GALNT18: variants seen among roughly 807,000 people sequenced by gnomAD.
GALNT18 encodes polypeptide N-acetylgalactosaminyltransferase 18.
A neutral mutation model predicts 69.5 loss-of-function variants in GALNT18; 44 were observed. The ratio of observed to expected loss-of-function variants is 0.63; its 90% confidence interval spans 0.50 to 0.81. GALNT18 has a LOEUF of 0.81. GALNT18 is among the 40% of genes least tolerant of loss of function. The pLI, the probability that GALNT18 is intolerant of heterozygous loss-of-function variation, is 0.00. For synonymous variants in GALNT18, 364 were observed against 318.2 expected (o/e 1.14, Z -1.53); for missense variants, 715 against 810.0 (o/e 0.88, Z 1.42).
chr11:11,277,207 C>CAGAG (rs968977563), intron 10 of GALNT18, among the ~76,000 whole-genome samples: 1 of 152,168 alleles, frequency 6.6e-6, no homozygotes, highest in Non-Finnish European at 1.5e-5. Context: ...TTGGTCTATT[C>CAGAG]AGAGATTCAA....
intron 3 of GALNT18, among the ~76,000 whole-genome samples, chr11:11,381,175 C>G (rs140371756): frequency 6.6e-6 from 1 of 152,226 alleles, no homozygotes; most frequent in African/African-American, 2.4e-5. Context: ...CTTCAAGCAC[C>G]GTTGCCAGGA....
intron 1 of GALNT18, among the ~76,000 whole-genome samples, chr11:11,579,599 G>A (rs1016874566): frequency 8.5e-5 from 13 of 152,184 alleles, no homozygotes; most frequent in Admixed American, 5.2e-4. Flanking sequence ...ATCAGAAACC[G>A]TGAAGATTAG....
At chr11:11,589,495 G>T (rs181312030) in intron 1 of GALNT18, among the ~76,000 whole-genome samples, 1 of 152,182 alleles carries the variant, frequency 6.6e-6, no homozygotes, top group Admixed American at 6.5e-5. Flanking sequence ...CTACACCATG[G>T]CTCCCCTTTT....
In GALNT18 at chr11:11,620,139, G is replaced by T. The variant is rs1023084303; in HGVS notation, c.235+1220C>A. On this transcript the variant is annotated intron_variant, in intron 1 of 10. Transcript: ENST00000227756. This position sits in a 1 kb window ranked among gnomAD's most constrained non-coding sequence, Gnocchi z 6.9. ...AACAAAAGGGAGTGCTCCTGGCGGG[G>T]GGGTGGGGGGTAAGCCTTCAGTTCA... 2.0e-5 allele frequency among the ~76,000 whole-genome samples: 3 copies of T among 151,822 alleles called. No individual in the cohort carries two copies. Among genetic ancestry groups the T allele is most frequent in the Admixed American group, 6.6e-5 (1 of 15,262 alleles).
In GALNT18 at chr11:11,557,807, A is replaced by T. The variant is rs534314547; in HGVS notation, c.235+63552T>A. 2.0e-5 allele frequency among the ~76,000 whole-genome samples: 3 copies of T among 152,318 alleles called. No homozygotes were observed. The South Asian group carries it at 6.2e-4, about 32-fold the overall frequency. On this transcript the variant is annotated intron_variant, in intron 1 of 10. Coordinates refer to ENST00000227756, the MANE Select transcript of GALNT18 (RefSeq NM_198516.3). ...CTCTCATGCCACATGGCTGGCACTC[A>T]TTACCATCTAGCCACCAAGAGGATG...
In GALNT18 at chr11:11,387,110, G is replaced by A. The variant is rs1402248196; in HGVS notation, c.596-7846C>T. ...GTGTGGTTCCAGCCCATAACACAAGGATGTAAATGCAGTCTGAAAACGGCT... is the reference window on the plus strand; with the variant it reads ...GTGTGGTTCCAGCCCATAACACAAGAATGTAAATGCAGTCTGAAAACGGCT... On this transcript the variant is annotated intron_variant, in intron 3 of 10. Transcript: ENST00000227756. The surrounding 1 kb of genome is among the most constrained non-coding windows in gnomAD (Gnocchi z 4.6). Among the ~76,000 whole-genome samples, 1 of 152,170 alleles carries A rather than the reference G, an allele frequency of 6.6e-6. No individual in the cohort carries two copies. Among genetic ancestry groups the A allele is most frequent in the Non-Finnish European group, 1.5e-5 (1 of 68,036 alleles).
chr11:11,468,862 A>G (rs1856212818), intron 1 of GALNT18, among the ~76,000 whole-genome samples: 1 of 152,206 alleles, frequency 6.6e-6, no homozygotes, highest in Non-Finnish European at 1.5e-5. Flanking sequence ...AAAGAAGGAT[A>G]CAGGAGTCCA....
intron 6 of GALNT18, among the ~76,000 whole-genome samples, chr11:11,369,769 G>A (rs951285103): frequency 1.3e-5 from 2 of 151,708 alleles, no homozygotes; most frequent in African/African-American, 4.9e-5. Flanking sequence ...GGCCATAGTA[G>A]CTCCTTCCTT....
chr11:11,319,984 C>A (rs982377447), intron 9 of GALNT18, among the ~76,000 whole-genome samples: 1 of 152,106 alleles, frequency 6.6e-6, no homozygotes, highest in African/African-American at 2.4e-5. Context: ...ATAACAACTC[C>A]ACAAAGTTAG....
chr11:11,565,706 C>A (rs1858632590), intron 1 of GALNT18, among the ~76,000 whole-genome samples: 1 of 152,182 alleles, frequency 6.6e-6, no homozygotes, highest in African/African-American at 2.4e-5. Context: ...TCAAGGCCTC[C>A]ACAAACTAGT....
intron 8 of GALNT18, among the ~76,000 whole-genome samples, chr11:11,330,093 G>A (rs1034290020): frequency 5.3e-5 from 8 of 152,150 alleles, no homozygotes; most frequent in Non-Finnish European, 1.0e-4. Context: ...GAAGCTCAAT[G>A]ATCCAGGGGA....
At chr11:11,397,554 C>G (rs557497399) in intron 3 of GALNT18, among the ~76,000 whole-genome samples, 29 of 152,300 alleles carry the variant, frequency 1.9e-4, no homozygotes, top group Non-Finnish European at 3.4e-4. Flanking sequence ...ACTTCCACCT[C>G]CCCGGTTCAA....
At chr11:11,279,115 G>T (rs1032670563) in intron 10 of GALNT18, among the ~76,000 whole-genome samples, 3 of 152,098 alleles carry the variant, frequency 2.0e-5, no homozygotes, top group Non-Finnish European at 2.9e-5. Flanking sequence ...GAGTCTACAC[G>T]AGAGCTGGTC....
intron 8 of GALNT18, among the ~76,000 whole-genome samples, chr11:11,329,652 G>C (rs1849985622): frequency 6.6e-6 from 1 of 152,192 alleles, no homozygotes; most frequent in Admixed American, 6.5e-5. Context: ...TTCTTCACTT[G>C]TCTGCCCTGT....
chr11:11,596,358 G>T lies in GALNT18; in HGVS notation c.235+25001C>A, dbSNP rs1258352946. Among the ~76,000 whole-genome samples the T allele has an allele frequency of 2.0e-5, 3 of 152,016 alleles. No homozygotes were observed. In the East Asian group the frequency reaches 5.8e-4, roughly 29 times the overall value. On this transcript the variant is annotated intron_variant, in intron 1 of 10. Transcript: ENST00000227756. The surrounding 1 kb of genome is among the most constrained non-coding windows in gnomAD (Gnocchi z 4.2). Reference sequence around the variant, plus strand: ...TGTTTTTGTTTTTCAAGATTATTTGGCTAGCCTGTATACCTTAAATTTCCA... The same window carrying T: ...TGTTTTTGTTTTTCAAGATTATTTGTCTAGCCTGTATACCTTAAATTTCCA...
intron 3 of GALNT18, among the ~76,000 whole-genome samples, chr11:11,428,539 G>A (rs1855188605): frequency 6.6e-6 from 1 of 152,240 alleles, no homozygotes; most frequent in Non-Finnish European, 1.5e-5. Flanking sequence ...TTCCCTCACA[G>A]GGCAGGAGAA....
At position 11,596,160 on chromosome 11, in the gene GALNT18, T is replaced by G. The variant is rs1291438986; in HGVS notation, c.235+25199A>C. ...AGACTATTCTTTCCCCCCTTTAAAT[T>G]GTTTGAGCATCCTTATCAAAATAAA... On this transcript the variant is annotated intron_variant, in intron 1 of 10. Transcript: ENST00000227756. This position sits in a 1 kb window ranked among gnomAD's most constrained non-coding sequence, Gnocchi z 4.2. Among the ~76,000 whole-genome samples the G allele has an allele frequency of 6.6e-6, 1 of 152,184 alleles. No homozygotes were observed. The highest frequency in any genetic ancestry group is 1.9e-4 in the East Asian group (1 of 5,200).
In GALNT18 at chr11:11,602,851, A is replaced by G. The variant is rs2133948333; in HGVS notation, c.235+18508T>C. On this transcript the variant is annotated intron_variant, in intron 1 of 10. Transcript: ENST00000227756. This position sits in a 1 kb window ranked among gnomAD's most constrained non-coding sequence, Gnocchi z 4.7. ...TTTGACCATATTTTCTGAATTAAAA[A>G]TAAGGGTGTATGGTCTGGCAAGAGC... Among the ~76,000 whole-genome samples, 1 of 152,348 alleles carries G rather than the reference A, an allele frequency of 6.6e-6. No individual in the cohort carries two copies. The highest frequency in any genetic ancestry group is 1.9e-4 in the East Asian group (1 of 5,186).
chr11:11,531,195 T>C (rs142612068), intron 1 of GALNT18, among the ~76,000 whole-genome samples: 69 of 152,376 alleles, frequency 4.5e-4, no homozygotes, highest in African/African-American at 1.6e-3. Flanking sequence ...CCAGGCAGCG[T>C]AGAAGCCAAT....
Sources: gnomAD v4.1 joint callset for allele counts (sites outside exome capture counted in the v4.1 genomes callset) on GRCh38, gnomAD v4.1.1 for gene constraint, Gnocchi (gnomAD v3.1) non-coding constraint, MANE v1.5 for transcripts, NCBI Gene and HGNC (gene_info 2026-07-23, HGNC 2026-07-21) for gene names.